PDE2A: variants seen among roughly 807,000 people sequenced by gnomAD.
The protein encoded by PDE2A is phosphodiesterase 2A.
PDE2A carries 53 observed loss-of-function variants against 133.6 expected under a neutral mutation model. The ratio of observed to expected loss-of-function variants is 0.40; its 90% CI spans 0.32 to 0.50. PDE2A has a LOEUF of 0.50. Among genes scored for constraint, PDE2A ranks in the 20% least tolerant of loss-of-function variants. The pLI is 0.73. For synonymous variants in PDE2A, 491 were observed against 490.2 expected, an observed-to-expected ratio of 1.00 and a Z score of -0.02; for missense variants, 796 against 1,232.4, an observed-to-expected ratio of 0.65 and a Z score of 5.30.
At chr11:72,580,827 G>T in intron 24 of PDE2A, 59 bp downstream of exon 24, 1 of 1,132,750 alleles carries the variant, frequency 8.8e-7, no homozygotes, top group Non-Finnish European at 1.3e-6. Context: ...GGCTGGGAGA[G>T]GATGAGACTC....
At chr11:72,644,977 G>A (rs11235556) in intron 1 of PDE2A, among the ~76,000 whole-genome samples, 60,280 of 151,900 alleles carry the variant, frequency 0.4, 13,857 homozygotes, top group Middle Eastern at 0.6. Flanking sequence ...GGATGGTCTC[G>A]ATCTCTTGAC....
rs2135411672 is a variant in PDE2A, at chr11:72,628,673, C to A, written c.144+13581G>T. On this transcript the variant is annotated intron_variant, in intron 2 of 30. Transcript: ENST00000334456. ...CGCCTGGCAGGTGAGGAGACTGATG[C>A]TCAGGCTGGTTAAGTGACAGGCACA... Among the ~76,000 whole-genome samples the A allele has an allele frequency of 2.0e-5, 3 of 152,356 alleles. No individual in the cohort carries two copies. The South Asian group carries it at 6.2e-4, about 32-fold the overall frequency.
rs761167490 is a variant in PDE2A, at chr11:72,638,598, GCCA to G, written c.144+3653_144+3655del. On this transcript the variant is annotated intron_variant, in intron 2 of 30. Coordinates refer to ENST00000334456, the MANE Select transcript of PDE2A (RefSeq NM_002599.5). ...GTAGGAGCTCCATGAGGCCAGTTTG[GCCA>G]CCACCATGACCCCGGCACTTAAAAC... Among the ~76,000 whole-genome samples, 129 of 152,272 alleles carry G rather than the reference GCCA, an allele frequency of 8.5e-4. 1 individual carries two copies. The highest frequency in any genetic ancestry group is 1.2e-3 in the South Asian group (6 of 4,826).
At chr11:72,648,433 T>C (rs1859188496) in intron 1 of PDE2A, among the ~76,000 whole-genome samples, 1 of 152,144 alleles carries the variant, frequency 6.6e-6, no homozygotes, top group South Asian at 2.1e-4. Flanking sequence ...CAGCTCCTAG[T>C]GGGCAAGGCC....
intron 24 of PDE2A, 109 bp from the exon 25 acceptor site, chr11:72,580,733 C>T (rs1220189747): frequency 2.8e-6 from 3 of 1,080,322 alleles, no homozygotes; most frequent in Non-Finnish European, 4.2e-6. Context: ...TCCTCCCTAT[C>T]TCAGAGCCAG....
At chr11:72,662,508 G>A (rs1031943382) in intron 1 of PDE2A, among the ~76,000 whole-genome samples, 8 of 152,174 alleles carry the variant, frequency 5.3e-5, no homozygotes, top group African/African-American at 1.9e-4. Flanking sequence ...GATATGCAAC[G>A]GTGACACAGT....
intron 1 of PDE2A, among the ~76,000 whole-genome samples, chr11:72,671,988 T>C (rs1855396013): frequency 1.3e-5 from 2 of 152,096 alleles, no homozygotes; most frequent in African/African-American, 4.8e-5. Flanking sequence ...AGTCCAAGCC[T>C]GAGCCACCTA....
chr11:72,599,642 CT>C (rs1358102871), intron 4 of PDE2A, among the ~76,000 whole-genome samples: 1 of 152,218 alleles, frequency 6.6e-6, no homozygotes, highest in African/African-American at 2.4e-5. Flanking sequence ...AGCCTCCTAG[CT>C]GGGTCTCTTC....
At chr11:72,612,813 C>T (rs955077895) in intron 2 of PDE2A, among the ~76,000 whole-genome samples, 5 of 152,102 alleles carry the variant, frequency 3.3e-5, no homozygotes, top group Non-Finnish European at 7.4e-5. Flanking sequence ...GGCCAGTCAG[C>T]ACCACAGACA....
chr11:72,598,964 T>C (rs1264387855), intron 4 of PDE2A: 1 of 985,150 alleles, frequency 1.0e-6, no homozygotes, highest in Non-Finnish European at 1.2e-6. Context: ...GGACGTAGGG[T>C]GGCAGGAGGG....
intron 13 of PDE2A, among the ~76,000 whole-genome samples, chr11:72,586,700 T>C (rs550071631): frequency 7.9e-5 from 12 of 152,348 alleles, no homozygotes; most frequent in Middle Eastern, 3.4e-3. Flanking sequence ...CAAATCCTGC[T>C]CACGTCATTC....
intron 23 of PDE2A, 22 bp from the exon 24 acceptor site, chr11:72,580,995 G>GA (rs767373877): frequency 4.4e-5 from 67 of 1,535,466 alleles, no homozygotes; most frequent in Non-Finnish European, 5.2e-5. Context: ...GCAGAAAGGA[G>GA]AAAAAAAAGA....
At chr11:72,612,124 C>T (rs914668695) in intron 2 of PDE2A, among the ~76,000 whole-genome samples, 1 of 152,218 alleles carries the variant, frequency 6.6e-6, no homozygotes, top group African/African-American at 2.4e-5. Flanking sequence ...ACATGCCCAT[C>T]TACACATGCC....
chr11:72,673,395 GTA>G (rs1317517212), intron 1 of PDE2A, among the ~76,000 whole-genome samples: 1 of 98,482 alleles, frequency 1.0e-5, no homozygotes, highest in Non-Finnish European at 2.3e-5. Context: ...CATTCCACAT[GTA>G]TACACACACA....
rs112304191 is a variant in PDE2A, at chr11:72,615,268, T to C, written c.145-6517A>G. 8.1e-4 allele frequency: 225 copies of C among 276,740 alleles called. 2 individuals are homozygous for C. Among genetic ancestry groups the C allele is most frequent in the African/African-American group, 3.3e-3 (157 of 46,902 alleles). The allele number at this position is 276,740 out of a possible 1,614,324, so 17.1% of individuals were successfully genotyped here. A position where few individuals can be genotyped will look rare whatever the true frequency, so the allele number is the denominator to read the frequency against. Reference sequence around the variant, plus strand: ...CTTCCCAAGCCAGTCCCAGCTTCTATTCCAGCTCCTGCCTCCTCCAAAATG... The same window carrying C: ...CTTCCCAAGCCAGTCCCAGCTTCTACTCCAGCTCCTGCCTCCTCCAAAATG... On this transcript the variant is annotated intron_variant, in intron 2 of 30. Coordinates refer to ENST00000334456, the MANE Select transcript of PDE2A (RefSeq NM_002599.5).
At chr11:72,671,991 G>A (rs886629517) in intron 1 of PDE2A, among the ~76,000 whole-genome samples, 10 of 151,942 alleles carry the variant, frequency 6.6e-5, no homozygotes, top group African/African-American at 2.4e-4. Flanking sequence ...CCAAGCCTGA[G>A]CCACCTAGAC....
At chr11:72,613,845 G>A (rs559463693) in intron 2 of PDE2A, among the ~76,000 whole-genome samples, 30 of 152,270 alleles carry the variant, frequency 2.0e-4, no homozygotes, top group Admixed American at 6.5e-4. Flanking sequence ...CTCCTGTTCC[G>A]GTGGGCAATA....
intron 15 of PDE2A, 35 bp downstream of exon 15, chr11:72,585,519 C>T: frequency 6.2e-7 from 1 of 1,613,414 alleles, no homozygotes; most frequent in Non-Finnish European, 8.5e-7. Flanking sequence ...CCCCCATGCC[C>T]ACACACAGCC....
chr11:72,666,987 T>C (rs1009549015), intron 1 of PDE2A, among the ~76,000 whole-genome samples: 27 of 152,120 alleles, frequency 1.8e-4, no homozygotes, highest in African/African-American at 6.5e-4. Flanking sequence ...ATGCCTGTAG[T>C]CCCAGCTACT....
Sources: allele counts gnomAD v4.1 joint callset (sites outside exome capture counted in the v4.1 genomes callset), GRCh38; gene constraint gnomAD v4.1.1; transcripts MANE v1.5; gene names NCBI Gene and HGNC (gene_info 2026-07-23, HGNC 2026-07-21).